Variants in LRBA observed in about 807,000 individuals in gnomAD.
The protein encoded by LRBA is LPS responsive beige-like anchor protein, also known as lipopolysaccharide-responsive and beige-like anchor protein.
In LRBA, 176 loss-of-function variants were observed where a neutral mutation model predicts 330.0. The observed-to-expected ratio is 0.53, with a 90% CI of 0.47 to 0.60. The LOEUF is 0.60. Among genes scored for constraint, LRBA ranks in the 20% least tolerant of loss-of-function variants. The pLI, the probability that LRBA is intolerant of heterozygous loss-of-function variation, is 0.00. For missense variants in LRBA, 3,259 were observed against 3,444.8 expected, an observed-to-expected ratio of 0.95 and a Z score of 1.35; for synonymous variants, 1,230 against 1,193.0, an observed-to-expected ratio of 1.03 and a Z score of -0.64.
Position 150,436,867 on chromosome 4 carries a change from G to A in LRBA, c.6781-3C>T, listed in dbSNP as rs58873298. On this transcript the variant is annotated splice_region_variant and splice_polypyrimidine_tract_variant and intron_variant, in intron 44 of 56. Transcript: ENST00000651943. Reference sequence around the variant, plus strand: ...TTTGGGTTCAGAGCTCCTATTGGCTGCCAATAGGGAGGGAAAAAACAAAGA... The same window carrying A: ...TTTGGGTTCAGAGCTCCTATTGGCTACCAATAGGGAGGGAAAAAACAAAGA... The A allele has an allele frequency of 4.9e-3, 7,934 of 1,612,926 alleles. 304 individuals carry two copies. In the African/African-American group the frequency reaches 0.083, roughly 17 times the overall value.
At chr4:150,565,233 T>A (rs1448523084) in intron 40 of LRBA, among the ~76,000 whole-genome samples, 1 of 152,114 alleles carries the variant, frequency 6.6e-6, no homozygotes, top group Non-Finnish European at 1.5e-5. Context: ...GAAGCCATCA[T>A]CCTCAGCAAA....
intron 32 of LRBA, among the ~76,000 whole-genome samples, chr4:150,807,519 C>T (rs1283261277): frequency 6.6e-6 from 1 of 152,020 alleles, no homozygotes; most frequent in Non-Finnish European, 1.5e-5. Flanking sequence ...TCAAAGCATT[C>T]GAAATTAAAC....
intron 22 of LRBA, among the ~76,000 whole-genome samples, chr4:150,864,040 C>A (rs1277956737): frequency 6.6e-6 from 1 of 151,988 alleles, no homozygotes; most frequent in Non-Finnish European, 1.5e-5. Flanking sequence ...TGGGTTCAAG[C>A]GATTCTTCTG....
rs749012995 is a variant in LRBA at position 150,852,019 on chromosome 4, T to G, written c.3691A>C (p.Ser1231Arg). Residue 1231 changes from serine (S) to arginine (R), a missense_variant, in exon 23 of 57, where the codon AGT becomes CGT. Ser to Arg is a moderately radical substitution (Grantham distance 110, BLOSUM62 -1). Transcript: ENST00000651943. Reference protein sequence around the residue: ...ETKLINDCHGSVSEASSEQKI... With the variant: ...ETKLINDCHGRVSEASSEQKI... ...TGCTCAGAAGAAGCCTCAGAGACAC[T>G]ACCATGACAATCATTAATTAATTTG... 1 of 1,614,148 alleles carries G rather than the reference T, an allele frequency of 6.2e-7. No homozygotes were observed. Among genetic ancestry groups the G allele is most frequent in the Admixed American group, 1.7e-5 (1 of 60,028 alleles).
rs113817517 is a variant in LRBA, at chr4:150,324,831, A to G, written c.7452+978T>C. 6.8e-3 allele frequency among the ~76,000 whole-genome samples: 1,029 copies of G among 152,242 alleles called. 10 individuals carry two copies. The highest frequency in any genetic ancestry group is 0.024 in the African/African-American group (978 of 41,540). ...AATGAGCAACTTCTTTTTATGAGGG[A>G]CAATTGAAAAACAATATGTATAGTC... is the stretch of plus-strand genomic sequence containing the variant. On this transcript the variant is annotated intron_variant, in intron 49 of 56. Coordinates refer to ENST00000651943, the MANE Select transcript of LRBA (RefSeq NM_001364905.1).
chr4:150,770,813 G>T (rs1358799116), intron 34 of LRBA, among the ~76,000 whole-genome samples: 2 of 152,058 alleles, frequency 1.3e-5, no homozygotes, highest in Non-Finnish European at 2.9e-5. Flanking sequence ...GAAGGGTCTG[G>T]GCTGCTTTAG....
At chr4:150,893,260 G>A (rs1388488073) in intron 16 of LRBA, 111 bp from the exon 17 acceptor site, 1 of 620,300 alleles carries the variant, frequency 1.6e-6, no homozygotes, top group South Asian at 2.2e-5. Context: ...GTAGACATAT[G>A]TGTGATATAT....
intron 40 of LRBA, among the ~76,000 whole-genome samples, chr4:150,545,474 G>A (rs1765755128): frequency 6.6e-6 from 1 of 151,364 alleles, no homozygotes; most frequent in Non-Finnish European, 1.5e-5. Flanking sequence ...TCCCATCCAG[G>A]GAATCTGTTA....
At chr4:150,984,094 A>G (rs1741163918) in intron 2 of LRBA, among the ~76,000 whole-genome samples, 1 of 152,248 alleles carries the variant, frequency 6.6e-6, no homozygotes, top group Non-Finnish European at 1.5e-5. Context: ...GAATAAGAAG[A>G]TAAGGGTAGT....
At chr4:150,771,742 T>C (rs74289432) in intron 34 of LRBA, among the ~76,000 whole-genome samples, 10 of 152,156 alleles carry the variant, frequency 6.6e-5, no homozygotes, top group African/African-American at 2.4e-4. Flanking sequence ...CACAGCCAGG[T>C]TGGCTTGCTG....
intron 37 of LRBA, among the ~76,000 whole-genome samples, chr4:150,649,125 T>C (rs997610243): frequency 6.6e-6 from 1 of 152,186 alleles, no homozygotes; most frequent in Non-Finnish European, 1.5e-5. Context: ...GCACTTGTTA[T>C]CTCTTAAACT....
chr4:150,558,178 C>T (rs192009899), intron 40 of LRBA, among the ~76,000 whole-genome samples: 97 of 152,264 alleles, frequency 6.4e-4, no homozygotes, highest in African/African-American at 2.3e-3. Flanking sequence ...GAATTACAGA[C>T]ATGAGCCACA....
At chr4:150,452,552 G>A (rs1753483564) in intron 44 of LRBA, among the ~76,000 whole-genome samples, 1 of 151,274 alleles carries the variant, frequency 6.6e-6, no homozygotes, top group African/African-American at 2.4e-5. Flanking sequence ...AACCCGGGAG[G>A]CAGAGGTTGC....
intron 40 of LRBA, among the ~76,000 whole-genome samples, chr4:150,532,769 A>G (rs1167271965): frequency 6.6e-6 from 1 of 152,146 alleles, no homozygotes; most frequent in African/African-American, 2.4e-5. Flanking sequence ...TCACTGAAAG[A>G]AATTAAATTT....
chr4:150,572,938 C>T (rs1770044000), intron 40 of LRBA, among the ~76,000 whole-genome samples: 1 of 152,146 alleles, frequency 6.6e-6, no homozygotes, highest in Admixed American at 6.5e-5. Context: ...TGATTGTCAG[C>T]TCCTGTCTAG....
chr4:150,811,560 T>C (rs1743740042), intron 31 of LRBA, among the ~76,000 whole-genome samples: 1 of 152,192 alleles, frequency 6.6e-6, no homozygotes, highest in Non-Finnish European at 1.5e-5. Context: ...TGGAGTGTAC[T>C]GGTGTGATCA....
chr4:150,859,190 A>G (rs955678254), intron 22 of LRBA, among the ~76,000 whole-genome samples: 2 of 152,166 alleles, frequency 1.3e-5, no homozygotes, highest in Non-Finnish European at 2.9e-5. Context: ...ATTTAGGAGG[A>G]AATCCAATTC....
At chr4:150,695,175 T>C (rs1352463802) in intron 36 of LRBA, among the ~76,000 whole-genome samples, 1 of 152,216 alleles carries the variant, frequency 6.6e-6, no homozygotes, top group Non-Finnish European at 1.5e-5. Flanking sequence ...CTGCTATCTG[T>C]GTTCAAGAAA....
At chr4:150,894,657 A>C (rs988955848) in intron 16 of LRBA, among the ~76,000 whole-genome samples, 3 of 152,174 alleles carry the variant, frequency 2.0e-5, no homozygotes, top group African/African-American at 7.2e-5. Context: ...TTGTATACCG[A>C]ATTTTCATTA....
Sources: gnomAD v4.1 joint callset for allele counts (sites outside exome capture counted in the v4.1 genomes callset) on GRCh38, gnomAD v4.1.1 for gene constraint, MANE v1.5 for transcripts, NCBI Gene and HGNC (gene_info 2026-07-23, HGNC 2026-07-21) for gene names.